Variants in SAE1 observed in about 807,000 individuals in gnomAD.
The protein encoded by SAE1 is SUMO-activating enzyme subunit 1.
SAE1 carries 11 observed loss-of-function variants against 40.6 expected under a neutral mutation model. The ratio of observed to expected loss-of-function variants is 0.27; its 90% confidence interval spans 0.17 to 0.45. The LOEUF (loss-of-function observed/expected upper bound fraction) is 0.45, where lower values mean the gene tolerates loss of function less well. Ranked by LOEUF, SAE1 falls within the 20% of genes least tolerant of loss-of-function variation. The pLI is 1.00. For synonymous variants in SAE1, 155 were observed against 154.3 expected, an observed-to-expected ratio of 1.00 and a Z score of -0.03; for missense variants, 373 against 427.3, an observed-to-expected ratio of 0.87 and a Z score of 1.12.
rs559500617 is a variant in SAE1, at chr19:47,192,367, G to A, written c.734-4866G>A. Reference sequence around the variant, plus strand: ...CTGGGTTTGAGCGACTCCTGCCTCAGGCTCCCGAGTAGCTGGGATTAAAAG... The same window carrying A: ...CTGGGTTTGAGCGACTCCTGCCTCAAGCTCCCGAGTAGCTGGGATTAAAAG... On this transcript the variant is annotated intron_variant, in intron 6 of 8. Coordinates refer to ENST00000270225, the MANE Select transcript of SAE1 (RefSeq NM_005500.3). Among the ~76,000 whole-genome samples the A allele has an allele frequency of 2.0e-5, 3 of 151,838 alleles. No individual in the cohort carries two copies. In the South Asian group the frequency reaches 6.3e-4, roughly 32 times the overall value.
At chr19:47,171,885 G>A (rs1300060233) in intron 6 of SAE1, among the ~76,000 whole-genome samples, 1 of 151,834 alleles carries the variant, frequency 6.6e-6, no homozygotes, top group African/African-American at 2.4e-5. Context: ...TTACAGGCAT[G>A]GTAGTTTTTT....
At chr19:47,181,545 CT>C (rs2123278541) in intron 6 of SAE1, among the ~76,000 whole-genome samples, 1 of 123,322 alleles carries the variant, frequency 8.1e-6, no homozygotes, top group Non-Finnish European at 1.6e-5. Flanking sequence ...GTGGCATCAT[CT>C]CGGCTCACTG....
At chr19:47,204,258 C>T (rs1323297978) in intron 8 of SAE1, among the ~76,000 whole-genome samples, 1 of 131,560 alleles carries the variant, frequency 7.6e-6, no homozygotes, top group Non-Finnish European at 1.5e-5. Flanking sequence ...AGTGCAGTAG[C>T]ACGATCTCAG....
rs2058469441 is a variant in SAE1 at position 47,176,498 on chromosome 19, G to T, written c.733+6575G>T. Among the ~76,000 whole-genome samples the T allele has an allele frequency of 1.3e-5, 2 of 152,182 alleles. 1 individual carries two copies. Among genetic ancestry groups the T allele is most frequent in the South Asian group, 4.1e-4 (2 of 4,830 alleles). On this transcript the variant is annotated intron_variant, in intron 6 of 8. Coordinates refer to ENST00000270225, the MANE Select transcript of SAE1 (RefSeq NM_005500.3). ...ATAAATAAATATTTTTTGCATGAGTGGTTTTTGCTTGTCTGGTCATTTGCC... is the reference window on the plus strand; with the variant it reads ...ATAAATAAATATTTTTTGCATGAGTTGTTTTTGCTTGTCTGGTCATTTGCC...
intron 2 of SAE1, among the ~76,000 whole-genome samples, chr19:47,145,229 G>C (rs1011415512): frequency 6.6e-6 from 1 of 151,972 alleles, no homozygotes; most frequent in Admixed American, 6.6e-5. Flanking sequence ...CTTGAACTCC[G>C]ACCTCAGGTG....
At chr19:47,176,544 T>C (rs987276703) in intron 6 of SAE1, among the ~76,000 whole-genome samples, 1 of 152,224 alleles carries the variant, frequency 6.6e-6, no homozygotes, top group African/African-American at 2.4e-5. Context: ...GGGAGAGTAG[T>C]GTGCCCACTG....
intron 6 of SAE1, among the ~76,000 whole-genome samples, chr19:47,191,974 A>T (rs34800424): frequency 0.14 from 21,719 of 151,356 alleles, 1,669 homozygotes; most frequent in Middle Eastern, 0.24. Flanking sequence ...GAATGGCGTG[A>T]ACCCGGGAGG....
chr19:47,200,105 T>A (rs1030429599), intron 7 of SAE1, among the ~76,000 whole-genome samples: 1 of 151,808 alleles, frequency 6.6e-6, no homozygotes, highest in African/African-American at 2.4e-5. Flanking sequence ...TAATTTTTTT[T>A]GTATTTTTTA....
intron 7 of SAE1, among the ~76,000 whole-genome samples, chr19:47,198,250 C>A (rs1451255225): frequency 6.6e-6 from 1 of 152,134 alleles, no homozygotes; most frequent in Admixed American, 6.6e-5. Flanking sequence ...GCTGGGATTA[C>A]AGGTGCCTGC....
chr19:47,153,183 TCCTC>T, intron 4 of SAE1, 143 bp downstream of exon 4: 1 of 677,946 alleles, frequency 1.5e-6, no homozygotes, highest in Non-Finnish European at 2.2e-6. Flanking sequence ...GCTCAAGTGA[TCCTC>T]CCACCTTGGC....
chr19:47,185,480 A>G (rs2058538427), intron 6 of SAE1, among the ~76,000 whole-genome samples: 1 of 151,388 alleles, frequency 6.6e-6, no homozygotes, highest in Non-Finnish European at 1.5e-5. Flanking sequence ...AATTTTTTGT[A>G]TTTTTAGTGG....
At position 47,150,188 on chromosome 19, in the gene SAE1, T is replaced by C. The variant is rs757865755; in HGVS notation, c.211-14T>C. The C allele has an allele frequency of 2.0e-6, 3 of 1,506,944 alleles. No homozygotes were observed. The East Asian group carries it at 7.1e-5, about 36-fold the overall frequency. The allele number at this position is 1,506,944 out of a possible 1,614,324, so 93.3% of individuals were successfully genotyped here. On this transcript the variant is annotated splice_polypyrimidine_tract_variant and intron_variant, in intron 2 of 8. Transcript: ENST00000270225. ...AAAATACAAGACTTAAAAAAATATG[T>C]GTATTATTCCTAGGTAACTCCAGAA...
At chr19:47,134,034 T>G (rs1436017758) in intron 1 of SAE1, among the ~76,000 whole-genome samples, 2 of 151,962 alleles carry the variant, frequency 1.3e-5, no homozygotes, top group African/African-American at 4.8e-5. Flanking sequence ...AGCTAATTTT[T>G]GTATTTTTAG....
At chr19:47,170,910 T>C (rs1336517580) in intron 6 of SAE1, among the ~76,000 whole-genome samples, 1 of 152,182 alleles carries the variant, frequency 6.6e-6, no homozygotes, top group Non-Finnish European at 1.5e-5. Context: ...CAGTCCATCT[T>C]TGCTGGTGGT....
chr19:47,197,160 G>A (rs1391502902), intron 6 of SAE1, 73 bp from the exon 7 acceptor site: 5 of 1,472,364 alleles, frequency 3.4e-6, no homozygotes, highest in East Asian at 2.3e-5. Context: ...CAGCCTGGGC[G>A]ACAGTGTGAG....
At chr19:47,135,952 C>T (rs534644558) in intron 1 of SAE1, among the ~76,000 whole-genome samples, 47 of 150,792 alleles carry the variant, frequency 3.1e-4, no homozygotes, top group African/African-American at 8.0e-4. Context: ...TACAGGTGCC[C>T]GCCACCACGC....
intron 2 of SAE1, among the ~76,000 whole-genome samples, chr19:47,149,797 G>A (rs1331408505): frequency 6.6e-6 from 1 of 152,114 alleles, no homozygotes; most frequent in Non-Finnish European, 1.5e-5. Context: ...ACATTTTAGG[G>A]CTGTGCACAG....
At chr19:47,142,873 A>G (rs1254619716) in intron 1 of SAE1, among the ~76,000 whole-genome samples, 1 of 151,872 alleles carries the variant, frequency 6.6e-6, no homozygotes, top group African/African-American at 2.4e-5. Flanking sequence ...GTCACACTTG[A>G]TTTTCATCAC....
intron 5 of SAE1, among the ~76,000 whole-genome samples, chr19:47,162,456 A>G (rs887499049): frequency 5.3e-5 from 8 of 152,196 alleles, no homozygotes; most frequent in Admixed American, 5.2e-4. Flanking sequence ...TAGAACCAAC[A>G]TTATGTATCA....
Sources: allele counts gnomAD v4.1 joint callset (sites outside exome capture counted in the v4.1 genomes callset), GRCh38; gene constraint gnomAD v4.1.1; transcripts MANE v1.5; gene names NCBI Gene and HGNC (gene_info 2026-07-23, HGNC 2026-07-21).